The following PDK1 variants were observed in gnomAD, a reference collection of about 807,000 sequenced individuals.
The protein encoded by PDK1 is pyruvate dehydrogenase kinase 1.
In PDK1, 39 loss-of-function variants were observed where a neutral mutation model predicts 54.2. That is an observed-to-expected ratio of 0.72 (90% CI 0.56 to 0.94). The LOEUF is 0.94. Ranked by LOEUF, PDK1 falls within the 40% of genes least tolerant of loss-of-function variation. The pLI is 0.00. For synonymous variants in PDK1, 221 were observed against 207.1 expected (o/e 1.07, Z -0.58); for missense variants, 552 against 566.0 (o/e 0.98, Z 0.25).
chr2:172,556,009 C>T, upstream of PDK1: 1 of 531,438 alleles, frequency 1.9e-6, no homozygotes, highest in Non-Finnish European at 3.0e-6. Flanking sequence ...CGCAGGGGGC[C>T]GGGCTCCGGC....
the PDK1 span, among the ~76,000 whole-genome samples, chr2:172,715,430 A>G: frequency 1.3e-5 from 2 of 152,144 alleles, no homozygotes; most frequent in African/African-American, 2.4e-5. Context: ...CTCCCACACA[A>G]ATTCCAGTTT....
At chr2:172,634,052 A>G in the PDK1 span, among the ~76,000 whole-genome samples, 30 of 149,524 alleles carry the variant, frequency 2.0e-4, no homozygotes, top group African/African-American at 7.1e-4. Flanking sequence ...ATTTTTGTAT[A>G]TTTAGTAGAG....
the PDK1 span, among the ~76,000 whole-genome samples, chr2:172,652,951 A>G: frequency 6.6e-6 from 1 of 152,200 alleles, no homozygotes; most frequent in East Asian, 1.9e-4. Context: ...GACTTTCTTC[A>G]CAGAATTGGA....
rs1691094983 is a variant in PDK1 at position 172,600,931 on chromosome 2, G to C, written c.*4962G>C. The C allele has an allele frequency of 1.3e-5, 2 of 152,120 alleles. No homozygotes were observed. The highest frequency in any genetic ancestry group is 4.8e-5 in the African/African-American group (2 of 41,416). The allele number at this position is 152,120 out of a possible 1,614,324, so 9.4% of individuals were successfully genotyped here. The stretch of plus-strand genomic sequence containing the variant: ...CAGGCATCCCCCCGGTCTGCTTTTA[G>C]CTTCCTTATCTTAGTGCCCCTAAAG... On this transcript the variant is annotated 3_prime_UTR_variant, in exon 11 of 11. Coordinates refer to ENST00000282077, the MANE Select transcript of PDK1 (RefSeq NM_002610.5).
chr2:172,674,375 C>T, the PDK1 span: 4 of 152,446 alleles, frequency 2.6e-5, no homozygotes, highest in Non-Finnish European at 5.9e-5. Context: ...AATTTGAGGT[C>T]AGCCGGGTGG....
At chr2:172,558,924 T>A in intron 2 of PDK1, 75 bp downstream of exon 2, 1 of 1,370,590 alleles carries the variant, frequency 7.3e-7, no homozygotes, top group East Asian at 2.3e-5. Flanking sequence ...ATGCTTTTTT[T>A]TACTCTTTGG....
chr2:172,611,501 T>C (rs1691460036), downstream of PDK1, among the ~76,000 whole-genome samples: 2 of 152,160 alleles, frequency 1.3e-5, no homozygotes, highest in African/African-American at 4.8e-5. Flanking sequence ...AAAATTAATG[T>C]TGGTTTTACA....
At chr2:172,648,410 A>T in the PDK1 span, among the ~76,000 whole-genome samples, 1 of 152,228 alleles carries the variant, frequency 6.6e-6, no homozygotes, top group Non-Finnish European at 1.5e-5. Flanking sequence ...GAACAGCTCC[A>T]GTCTGCAGCT....
At chr2:172,683,143 G>A in the PDK1 span, among the ~76,000 whole-genome samples, 1 of 152,010 alleles carries the variant, frequency 6.6e-6, no homozygotes, top group African/African-American at 2.4e-5. Context: ...TCAGGAGATT[G>A]AGACCATTCT....
chr2:172,663,879 T>C, the PDK1 span, among the ~76,000 whole-genome samples: 1 of 152,006 alleles, frequency 6.6e-6, no homozygotes, highest in Non-Finnish European at 1.5e-5. Flanking sequence ...ACCCCATCTT[T>C]AGCTGAACTA....
At chr2:172,700,366 TGGC>T in the PDK1 span, among the ~76,000 whole-genome samples, 2 of 116,266 alleles carry the variant, frequency 1.7e-5, no homozygotes, top group African/African-American at 7.4e-5. Flanking sequence ...CTGGACGGGG[TGGC>T]GGCGGGGCAG....
chr2:172,675,151 TTCTC>T, the PDK1 span, among the ~76,000 whole-genome samples: 29 of 152,254 alleles, frequency 1.9e-4, no homozygotes, highest in African/African-American at 6.7e-4. Context: ...GCTTCTTGTC[TTCTC>T]TCTCTCACTC....
At chr2:172,566,710 A>AAAG (rs1410240044) in intron 5 of PDK1, 146 bp from the exon 6 acceptor site, 4 of 513,004 alleles carry the variant, frequency 7.8e-6, no homozygotes, top group South Asian at 3.2e-5. Context: ...AAAAAAAAAA[A>AAAG]AAGCAGACTT....
At chr2:172,712,118 C>T in the PDK1 span, among the ~76,000 whole-genome samples, 1 of 152,154 alleles carries the variant, frequency 6.6e-6, no homozygotes, top group East Asian at 1.9e-4. Context: ...TTGTCTTAAA[C>T]CTCTAAGATT....
At chr2:172,640,027 A>G in the PDK1 span, among the ~76,000 whole-genome samples, 1 of 152,242 alleles carries the variant, frequency 6.6e-6, no homozygotes, top group Non-Finnish European at 1.5e-5. Flanking sequence ...GGAAGGTGAA[A>G]CAAATGTGAG....
chr2:172,703,849 C>T, the PDK1 span, among the ~76,000 whole-genome samples: 18 of 147,792 alleles, frequency 1.2e-4, no homozygotes, highest in African/African-American at 3.5e-4. Context: ...CTCAGCTCAC[C>T]GCAACCTCTG....
intron 8 of PDK1, among the ~76,000 whole-genome samples, chr2:172,583,266 C>T (rs1024603346): frequency 7.6e-6 from 1 of 132,184 alleles, no homozygotes; most frequent in Non-Finnish European, 1.5e-5. Context: ...CATAATGCTG[C>T]ATAAAAGTTT....
At chr2:172,557,647 A>C (rs13000868) in intron 1 of PDK1, among the ~76,000 whole-genome samples, 1 of 89,940 alleles carries the variant, frequency 1.1e-5, no homozygotes, top group Admixed American at 1.1e-4. Context: ...GTGTGTGTGT[A>C]TTTTTTTTTA....
chr2:172,636,279 A>T, the PDK1 span, among the ~76,000 whole-genome samples: 1 of 152,170 alleles, frequency 6.6e-6, no homozygotes, highest in East Asian at 1.9e-4. Context: ...TGGCACTAGC[A>T]TCTGCTTCTA....
Sources: gnomAD v4.1 joint callset for allele counts (sites outside exome capture counted in the v4.1 genomes callset) on GRCh38, gnomAD v4.1.1 for gene constraint, MANE v1.5 for transcripts, NCBI Gene and HGNC (gene_info 2026-07-23, HGNC 2026-07-21) for gene names.